LARGE1: variants seen among roughly 807,000 people sequenced by gnomAD.
The protein encoded by LARGE1 is xylosyl- and glucuronyltransferase LARGE1.
A neutral mutation model predicts 87.6 loss-of-function variants in LARGE1; 43 were observed. The observed-to-expected ratio is 0.49, with a 90% confidence interval of 0.38 to 0.63. The LOEUF (loss-of-function observed/expected upper bound fraction) is 0.63, where lower values mean the gene tolerates loss of function less well. Ranked by LOEUF, LARGE1 falls within the 30% of genes least tolerant of loss-of-function variation. The pLI is 0.00. For synonymous variants in LARGE1, 434 were observed against 394.6 expected, an observed-to-expected ratio of 1.10 and a Z score of -1.18; for missense variants, 802 against 1,000.2, an observed-to-expected ratio of 0.80 and a Z score of 2.67.
intron 1 of LARGE1, among the ~76,000 whole-genome samples, chr22:33,870,629 C>T (rs1395215910): frequency 2.6e-5 from 4 of 152,048 alleles, no homozygotes; most frequent in Non-Finnish European, 5.9e-5. Context: ...AGTACAGTAG[C>T]GCAATCTCGG....
intron 9 of LARGE1, among the ~76,000 whole-genome samples, chr22:33,369,459 T>C (rs958410682): frequency 1.8e-5 from 2 of 114,128 alleles, no homozygotes; most frequent in South Asian, 2.3e-4. Context: ...ATTTTCTTGG[T>C]TTTTTTTTCC....
chr22:33,404,892 A>G (rs1467083192), intron 7 of LARGE1, among the ~76,000 whole-genome samples: 1 of 152,146 alleles, frequency 6.6e-6, no homozygotes, highest in Non-Finnish European at 1.5e-5. Context: ...GGGGGGAAGG[A>G]AAGTGTGGTG....
chr22:33,420,180 C>T (rs767128831), intron 7 of LARGE1, among the ~76,000 whole-genome samples: 4 of 152,120 alleles, frequency 2.6e-5, no homozygotes, highest in South Asian at 2.1e-4. Flanking sequence ...TCACTGTCTT[C>T]GAAACACTTA....
the LARGE1 span, among the ~76,000 whole-genome samples, chr22:33,140,886 C>T: frequency 6.6e-6 from 1 of 152,148 alleles, no homozygotes; most frequent in Non-Finnish European, 1.5e-5. Flanking sequence ...TTCATATATA[C>T]ATCTACCCTA....
chr22:33,909,068 AAG>A (rs2065544264), intron 1 of LARGE1, among the ~76,000 whole-genome samples: 1 of 152,150 alleles, frequency 6.6e-6, no homozygotes, highest in Non-Finnish European at 1.5e-5. Flanking sequence ...AACCCCCAAT[AAG>A]AGAGGCCCCG....
intron 11 of LARGE1, among the ~76,000 whole-genome samples, chr22:33,249,026 T>C (rs1926896443): frequency 6.6e-6 from 1 of 152,184 alleles, no homozygotes; most frequent in Non-Finnish European, 1.5e-5. Flanking sequence ...CATCCACATG[T>C]AGGTTTTCGT....
chr22:33,791,872 A>T (rs912062997), intron 1 of LARGE1, among the ~76,000 whole-genome samples: 1 of 152,198 alleles, frequency 6.6e-6, no homozygotes, highest in Admixed American at 6.5e-5. Context: ...GTCCAAGGGA[A>T]AAAGAAATTT....
intron 7 of LARGE1, among the ~76,000 whole-genome samples, chr22:33,415,678 T>A (rs766831460): frequency 6.6e-6 from 1 of 152,170 alleles, no homozygotes; most frequent in Non-Finnish European, 1.5e-5. Flanking sequence ...GTAGCAAGGC[T>A]GAAGGCACTG....
the LARGE1 span, among the ~76,000 whole-genome samples, chr22:33,148,554 T>C: frequency 6.6e-6 from 1 of 152,326 alleles, no homozygotes; most frequent in East Asian, 1.9e-4. Context: ...GCAAGTTTTG[T>C]TTGAACATAA....
At chr22:33,562,571 C>G (rs2077892668) in intron 6 of LARGE1, among the ~76,000 whole-genome samples, 1 of 152,228 alleles carries the variant, frequency 6.6e-6, no homozygotes, top group Admixed American at 6.5e-5. Flanking sequence ...CCCATATACC[C>G]TACTCAACCC....
At chr22:33,136,550 A>G in the LARGE1 span, among the ~76,000 whole-genome samples, 11 of 152,310 alleles carry the variant, frequency 7.2e-5, no homozygotes, top group South Asian at 1.9e-3. Flanking sequence ...CATATCACCA[A>G]CAAAGCAATA....
chr22:33,379,276 T>TTTA (rs1333068024), intron 9 of LARGE1, among the ~76,000 whole-genome samples: 21,070 of 149,980 alleles, frequency 0.14, 3,029 homozygotes, highest in African/African-American at 0.38. Context: ...TTTTTTTTTT[T>TTTA]ATTATACTTT....
intron 5 of LARGE1, among the ~76,000 whole-genome samples, chr22:33,599,382 G>C (rs1158662911): frequency 6.6e-6 from 1 of 152,136 alleles, no homozygotes; most frequent in Non-Finnish European, 1.5e-5. Context: ...TCCTCCTGTA[G>C]ACAGGAGCTG....
intron 2 of LARGE1, among the ~76,000 whole-genome samples, chr22:33,663,437 C>T (rs775989093): frequency 4.6e-5 from 7 of 152,138 alleles, no homozygotes; most frequent in Non-Finnish European, 8.8e-5. Context: ...CACTATAAGG[C>T]AAAGTCAGGA....
intron 4 of LARGE1, among the ~76,000 whole-genome samples, chr22:33,611,033 T>C (rs1602704200): frequency 6.6e-6 from 1 of 152,330 alleles, no homozygotes; most frequent in East Asian, 1.9e-4. Flanking sequence ...CTCTACCAGA[T>C]TTCAGAGAAT....
chr22:33,304,574 G>A (rs967152490), intron 11 of LARGE1, 67 bp from the exon 12 acceptor site: 2 of 1,464,534 alleles, frequency 1.4e-6, no homozygotes, highest in Non-Finnish European at 1.8e-6. Context: ...CGGGCCTGTT[G>A]TGGGGCTCTG....
chr22:33,422,824 C>A (rs2066741477), intron 7 of LARGE1, among the ~76,000 whole-genome samples: 1 of 152,030 alleles, frequency 6.6e-6, no homozygotes, highest in African/African-American at 2.4e-5. Flanking sequence ...GAGAACGGCA[C>A]CAAGGTGATG....
chr22:33,252,613 G>A (rs571665715), intron 11 of LARGE1, among the ~76,000 whole-genome samples: 3 of 152,282 alleles, frequency 2.0e-5, no homozygotes, highest in South Asian at 2.1e-4. Context: ...GAATTGAGTC[G>A]TTTATTTTTC....
intron 11 of LARGE1, among the ~76,000 whole-genome samples, chr22:33,203,066 A>ACTCTCTCTCTCT (rs35446457): frequency 8.6e-5 from 12 of 139,382 alleles, no homozygotes; most frequent in Non-Finnish European, 1.7e-4. Context: ...TAGAATCTAA[A>ACTCTCTCTCTCT]CTCTCTCTCT....
Sources: gnomAD v4.1 joint callset for allele counts (sites outside exome capture counted in the v4.1 genomes callset) on GRCh38, gnomAD v4.1.1 for gene constraint, MANE v1.5 for transcripts, NCBI Gene and HGNC (gene_info 2026-07-23, HGNC 2026-07-21) for gene names.